ASXL2: variants seen among roughly 807,000 people sequenced by gnomAD.
ASXL2 encodes putative Polycomb group protein ASXL2.
In ASXL2, 23 loss-of-function variants were observed where a neutral mutation model predicts 122.0. That is an observed-to-expected ratio of 0.19 (90% CI 0.14 to 0.27). ASXL2 has a LOEUF of 0.27. Among genes scored for constraint, ASXL2 ranks in the 10% least tolerant of loss-of-function variants. ASXL2 has a pLI of 1.00. For synonymous variants in ASXL2, 650 were observed against 637.0 expected, an observed-to-expected ratio of 1.02 and a Z score of -0.31; for missense variants, 1,518 against 1,713.8, an observed-to-expected ratio of 0.89 and a Z score of 2.02.
intron 5 of ASXL2, among the ~76,000 whole-genome samples, chr2:25,795,947 A>G (rs559125483): frequency 6.6e-6 from 1 of 152,282 alleles, no homozygotes; most frequent in African/African-American, 2.4e-5. Context: ...AAAACCACAC[A>G]TCAACAATTA....
At chr2:25,844,960 C>T (rs146295275) in intron 2 of ASXL2, among the ~76,000 whole-genome samples, 2 of 152,232 alleles carry the variant, frequency 1.3e-5, no homozygotes, top group East Asian at 3.9e-4. Context: ...TAATAAGGTT[C>T]TTAGAAATTA....
chr2:25,753,451 T>C, intron 11 of ASXL2, 83 bp downstream of exon 11: 1 of 935,006 alleles, frequency 1.1e-6, no homozygotes, highest in East Asian at 2.8e-5. Flanking sequence ...GCCTAGATTT[T>C]CTGAGAAGGT....
chr2:25,874,646 G>A (rs1412001624), intron 1 of ASXL2, among the ~76,000 whole-genome samples: 4 of 152,094 alleles, frequency 2.6e-5, no homozygotes, highest in African/African-American at 9.7e-5. Flanking sequence ...GTGAGACCCT[G>A]GTTCAAAAAA....
At chr2:25,749,078 A>C (rs2087990855) in intron 12 of ASXL2, among the ~76,000 whole-genome samples, 1 of 149,964 alleles carries the variant, frequency 6.7e-6, no homozygotes, top group African/African-American at 2.5e-5. Context: ...AAACTCAAAT[A>C]CCATGGCTCT....
chr2:25,833,547 T>C (rs2089477371), intron 3 of ASXL2, among the ~76,000 whole-genome samples: 1 of 151,984 alleles, frequency 6.6e-6, no homozygotes. Context: ...ATACAAAAAA[T>C]TAGCTGGGCG....
intron 5 of ASXL2, among the ~76,000 whole-genome samples, chr2:25,792,046 G>C (rs2088842563): frequency 6.6e-6 from 1 of 152,214 alleles, no homozygotes; most frequent in Admixed American, 6.5e-5. Flanking sequence ...ACCTAGGCTG[G>C]AATGCAGTGG....
intron 2 of ASXL2, among the ~76,000 whole-genome samples, chr2:25,843,903 ACTGT>A (rs1180637584): frequency 7.2e-5 from 11 of 152,074 alleles, no homozygotes; most frequent in East Asian, 1.9e-4. Flanking sequence ...CAAGAAATAC[ACTGT>A]CTATTTACAA....
chr2:25,854,758 C>T (rs1251098463), intron 1 of ASXL2, among the ~76,000 whole-genome samples: 5 of 152,152 alleles, frequency 3.3e-5, no homozygotes, highest in South Asian at 2.1e-4. Context: ...CCATGAGTGA[C>T]GGAAATCTAG....
chr2:25,763,848 C>T (rs772821858), intron 8 of ASXL2, among the ~76,000 whole-genome samples: 2 of 152,124 alleles, frequency 1.3e-5, no homozygotes, highest in Non-Finnish European at 2.9e-5. Context: ...TAAACCCAGG[C>T]GATTTGATTT....
chr2:25,754,778 T>G (rs1216624290), intron 10 of ASXL2, among the ~76,000 whole-genome samples: 4 of 152,042 alleles, frequency 2.6e-5, no homozygotes, highest in Non-Finnish European at 5.9e-5. Context: ...CCTTTACCAA[T>G]TTATTCTTAA....
chr2:25,853,394 C>G (rs1475814729), intron 1 of ASXL2, among the ~76,000 whole-genome samples: 13 of 152,156 alleles, frequency 8.5e-5, no homozygotes, highest in Non-Finnish European at 1.3e-4. Context: ...CTACCTGTGT[C>G]CTGAGATGCA....
At chr2:25,804,098 G>A (rs894534273) in intron 4 of ASXL2, among the ~76,000 whole-genome samples, 1 of 152,144 alleles carries the variant, frequency 6.6e-6, no homozygotes, top group Non-Finnish European at 1.5e-5. Flanking sequence ...TTCCATGTGA[G>A]AATAGAGCCC....
Position 25,767,586 on chromosome 2 carries a change from T to C in ASXL2, c.772A>G (p.Thr258Ala). ...KSFQRSERLHTRQMKRTKCAD... is the reference protein window; with the variant it reads ...KSFQRSERLHARQMKRTKCAD... The stretch of plus-strand genomic sequence containing the variant: ...AAGTCTTTGTAAGCAAACTTACTGG[T>C]ATGGAGTCTCTCAGATCTCTGGAAT... Residue 258 changes from threonine to alanine, a missense_variant, in exon 8 of 13, where the codon ACC (threonine) becomes GCC (alanine). Physicochemically the swap from Thr to Ala is moderately conservative, Grantham distance 58. Around this residue, in one of 8 missense-constraint regions of ASXL2, gnomAD observed 198 missense variants for 209.0 expected, o/e 0.95. Transcript: ENST00000435504. 6.2e-7 allele frequency: 1 copy of C among 1,613,670 alleles called. No homozygotes were observed.
intron 5 of ASXL2, among the ~76,000 whole-genome samples, chr2:25,772,633 A>G (rs1170045868): frequency 7.0e-6 from 1 of 142,618 alleles, no homozygotes; most frequent in African/African-American, 2.6e-5. Flanking sequence ...CAGGAGGCTG[A>G]GGGAAGAGAA....
In ASXL2 at chr2:25,799,434, ACTGCTG is replaced by A. The variant is rs750598660; in HGVS notation, c.348_353del (p.Ser117_Ser118del). Reference sequence around the variant, plus strand: ...TTCCCTCCTTGTTGCTGCCACCATCACTGCTGCTGCTGCTGTTCTCAGAACTCTGGG... The same window carrying A: ...TTCCCTCCTTGTTGCTGCCACCATCACTGCTGCTGTTCTCAGAACTCTGGG... On this transcript the variant is annotated inframe_deletion, in exon 5 of 13. Transcript: ENST00000435504. The A allele has an allele frequency of 8.7e-6, 14 of 1,609,712 alleles. No individual in the cohort carries two copies. Among genetic ancestry groups the A allele is most frequent in the Non-Finnish European group, 1.1e-5 (13 of 1,176,806 alleles).
intron 5 of ASXL2, among the ~76,000 whole-genome samples, chr2:25,785,260 C>T (rs1286965919): frequency 6.6e-6 from 1 of 152,218 alleles, no homozygotes; most frequent in Non-Finnish European, 1.5e-5. Context: ...GAGTCTCGCT[C>T]TGTCTCCCTG....
chr2:25,758,536 G>A (rs1201021293), intron 9 of ASXL2, among the ~76,000 whole-genome samples: 1 of 152,126 alleles, frequency 6.6e-6, no homozygotes, highest in African/African-American at 2.4e-5. Context: ...GATCAGAAGG[G>A]GGAGTGACTG....
In ASXL2 at chr2:25,743,296, G is replaced by A. The variant is rs770140134; in HGVS notation, c.3041C>T (p.Pro1014Leu). The change falls in exon 13 of 13, where the codon CCA becomes CTA. Residue 1014 changes from proline (P) to leucine (L), a missense_variant. Transcript: ENST00000435504. Reference protein sequence around the residue: ...REEVNERQSHPATQQQLGKTL... With the variant: ...REEVNERQSHLATQQQLGKTL... ...TTTGCCCAGCTGCTGCTGCGTAGCT[G>A]GATGGGACTGTCTCTCATTAACTTC... 6.2e-7 allele frequency: 1 copy of A among 1,613,912 alleles called. No individual in the cohort carries two copies. The highest frequency in any genetic ancestry group is 8.5e-7 in the Non-Finnish European group (1 of 1,179,848).
At chr2:25,761,757 A>C (rs1160628595) in intron 8 of ASXL2, among the ~76,000 whole-genome samples, 2 of 152,116 alleles carry the variant, frequency 1.3e-5, no homozygotes, top group Non-Finnish European at 2.9e-5. Flanking sequence ...AATATCTGTA[A>C]AATGCTGACA....
Sources: gnomAD v4.1 joint callset for allele counts (sites outside exome capture counted in the v4.1 genomes callset) on GRCh38, gnomAD v4.1.1 for gene constraint, gnomAD v4.1.1 regional missense constraint, MANE v1.5 for transcripts, NCBI Gene and HGNC (gene_info 2026-07-23, HGNC 2026-07-21) for gene names.